RORA: variants seen among roughly 807,000 people sequenced by gnomAD.
RORA encodes nuclear receptor ROR-alpha.
In RORA, 7 loss-of-function variants were observed where a neutral mutation model predicts 69.5. That is an observed-to-expected ratio of 0.10 (90% CI 0.06 to 0.19). The LOEUF (loss-of-function observed/expected upper bound fraction) is 0.19, where lower values mean the gene tolerates loss of function less well. RORA is among the 10% of genes least tolerant of loss of function. The pLI, the probability that RORA is intolerant of heterozygous loss-of-function variation, is 1.00. For synonymous variants in RORA, 261 were observed against 240.8 expected (o/e 1.08, Z -0.78); for missense variants, 457 against 663.0 (o/e 0.69, Z 3.41).
intron 1 of RORA, among the ~76,000 whole-genome samples, chr15:60,938,219 G>A (rs1460525086): frequency 6.6e-6 from 1 of 152,184 alleles, no homozygotes; most frequent in Non-Finnish European, 1.5e-5. Context: ...ATTTGTATCT[G>A]TGGTATTACA....
chr15:60,575,713 C>G (rs2068005496), intron 2 of RORA, among the ~76,000 whole-genome samples: 1 of 152,088 alleles, frequency 6.6e-6, no homozygotes. Flanking sequence ...GTTTTCCATG[C>G]CTGGGTCAAA....
At chr15:61,159,875 CT>C (rs2079479555) in intron 1 of RORA, among the ~76,000 whole-genome samples, 1 of 152,288 alleles carries the variant, frequency 6.6e-6, no homozygotes, top group South Asian at 2.1e-4. Context: ...TGTATGTGTA[CT>C]GAGAATTTTC....
intron 1 of RORA, among the ~76,000 whole-genome samples, chr15:60,909,465 A>G (rs768479324): frequency 3.3e-5 from 5 of 152,232 alleles, no homozygotes; most frequent in Non-Finnish European, 5.9e-5. Context: ...ATGCCTTTCC[A>G]TCTTCTCTCA....
At chr15:61,063,608 C>G (rs2078217022) in intron 1 of RORA, among the ~76,000 whole-genome samples, 1 of 152,066 alleles carries the variant, frequency 6.6e-6, no homozygotes, top group Admixed American at 6.5e-5. Flanking sequence ...AACTGTATAT[C>G]CTTGGAAACA....
In RORA at chr15:60,597,551, C is replaced by CACAACAT. The variant is rs1555435946; in HGVS notation, c.197-65701_197-65700insATGTTGT. On this transcript the variant is annotated intron_variant, in intron 2 of 10. Transcript: ENST00000335670. ...CACACACACACACACACACACACAA[C>CACAACAT]ATATATATATATATATATATATACA... Among the ~76,000 whole-genome samples, 38 of 25,128 alleles carry CACAACAT rather than the reference C, an allele frequency of 1.5e-3. 1 individual carries two copies. The highest frequency in any genetic ancestry group is 2.1e-3 in the Non-Finnish European group (28 of 13,598). 16.5% of individuals were successfully genotyped at this position (25,128 alleles called of 152,430 possible). A position where few individuals can be genotyped will look rare whatever the true frequency, so the allele number is the denominator to read the frequency against.
intron 3 of RORA, among the ~76,000 whole-genome samples, chr15:60,517,114 T>TC (rs1481925596): frequency 6.7e-6 from 1 of 148,482 alleles, no homozygotes; most frequent in Non-Finnish European, 1.5e-5. Flanking sequence ...TCTGTGCTTT[T>TC]TTTTTTTTTC....
At chr15:60,574,395 CTTATG>C (rs112934994) in intron 2 of RORA, among the ~76,000 whole-genome samples, 2,505 of 152,314 alleles carry the variant, frequency 0.016, 65 homozygotes, top group African/African-American at 0.058. Flanking sequence ...TTAGAAGCCT[CTTATG>C]TTATATGATG....
intron 1 of RORA, among the ~76,000 whole-genome samples, chr15:61,112,146 A>G (rs2079012123): frequency 6.6e-6 from 1 of 152,182 alleles, no homozygotes; most frequent in East Asian, 1.9e-4. Flanking sequence ...ACAGAAACTG[A>G]GAGTAAGCCT....
chr15:61,187,158 C>T (rs948401814), intron 1 of RORA, among the ~76,000 whole-genome samples: 4 of 152,356 alleles, frequency 2.6e-5, no homozygotes, highest in South Asian at 2.1e-4. Flanking sequence ...TATTCCACAT[C>T]GAGCCAGCAG....
At chr15:60,951,426 A>G (rs1030337898) in intron 1 of RORA, among the ~76,000 whole-genome samples, 4 of 150,518 alleles carry the variant, frequency 2.7e-5, no homozygotes, top group Admixed American at 2.7e-4. Flanking sequence ...AGAAGGCAAG[A>G]AATAACTAAA....
intron 1 of RORA, among the ~76,000 whole-genome samples, chr15:61,130,510 G>C (rs2079181005): frequency 6.6e-6 from 1 of 152,190 alleles, no homozygotes; most frequent in African/African-American, 2.4e-5. Flanking sequence ...TGGCAGGAAG[G>C]TCTGCTTAGA....
At chr15:60,645,436 T>G (rs1488921434) in intron 2 of RORA, among the ~76,000 whole-genome samples, 1 of 151,572 alleles carries the variant, frequency 6.6e-6, no homozygotes, top group Non-Finnish European at 1.5e-5. Flanking sequence ...TTTTTTTTTT[T>G]TTTGAGGCAG....
chr15:60,697,320 T>C (rs149357579), intron 1 of RORA, among the ~76,000 whole-genome samples: 17 of 152,174 alleles, frequency 1.1e-4, no homozygotes, highest in African/African-American at 4.1e-4. Context: ...AAGAGCTACA[T>C]GTACCCCAAC....
At chr15:60,918,372 T>A (rs1300200174) in intron 1 of RORA, among the ~76,000 whole-genome samples, 1 of 152,234 alleles carries the variant, frequency 6.6e-6, no homozygotes, top group East Asian at 1.9e-4. Flanking sequence ...ATTAGTGAAT[T>A]TCCAGTGGCT....
At chr15:61,206,203 C>G (rs939962357) in intron 1 of RORA, among the ~76,000 whole-genome samples, 2 of 152,022 alleles carry the variant, frequency 1.3e-5, no homozygotes, top group African/African-American at 2.4e-5. Context: ...AACCTCAGCC[C>G]CTAGTGCAGT....
chr15:60,917,512 C>T (rs1482054), intron 1 of RORA, among the ~76,000 whole-genome samples: 134,660 of 152,180 alleles, frequency 0.88, 61,313 homozygotes, highest in Non-Finnish European at 0.99. Flanking sequence ...TCCCGGGAAA[C>T]TGCTGGGTGC....
chr15:60,819,743 C>CCACACACA (rs1191801506), intron 1 of RORA, among the ~76,000 whole-genome samples: 2 of 74,812 alleles, frequency 2.7e-5, no homozygotes, highest in African/African-American at 1.4e-4. Flanking sequence ...GAAGTCAAAC[C>CCACACACA]CAGACACACA....
chr15:60,658,896 A>G (rs2070261994), intron 2 of RORA, among the ~76,000 whole-genome samples: 1 of 152,186 alleles, frequency 6.6e-6, no homozygotes, highest in Non-Finnish European at 1.5e-5. Flanking sequence ...AAGGCACTGT[A>G]GAAGTGGCTG....
At chr15:61,012,536 A>T (rs1895119630) in intron 1 of RORA, among the ~76,000 whole-genome samples, 1 of 152,272 alleles carries the variant, frequency 6.6e-6, no homozygotes, top group Non-Finnish European at 1.5e-5. Flanking sequence ...TTCATGTCTC[A>T]GAAAGATTCT....
Sources: gnomAD v4.1 joint callset for allele counts (sites outside exome capture counted in the v4.1 genomes callset) on GRCh38, gnomAD v4.1.1 for gene constraint, MANE v1.5 for transcripts, NCBI Gene and HGNC (gene_info 2026-07-23, HGNC 2026-07-21) for gene names.